CPE: variants seen among roughly 807,000 people sequenced by gnomAD.
CPE encodes carboxypeptidase E.
In CPE, 17 loss-of-function variants were observed where a neutral mutation model predicts 53.5. The observed-to-expected ratio is 0.32, with a 90% CI of 0.22 to 0.48. CPE has a LOEUF of 0.48. Ranked by LOEUF, CPE falls within the 20% of genes least tolerant of loss-of-function variation. The pLI, the probability that CPE is intolerant of heterozygous loss-of-function variation, is 0.99. For synonymous variants in CPE, 226 were observed against 228.8 expected (o/e 0.99, Z 0.11); for missense variants, 524 against 614.7 (o/e 0.85, Z 1.56).
intron 1 of CPE, among the ~76,000 whole-genome samples, chr4:165,431,648 G>A (rs7700089): frequency 1.3e-5 from 2 of 152,074 alleles, no homozygotes; most frequent in Admixed American, 1.3e-4. Flanking sequence ...ACAGATTCTG[G>A]TTTTTTCTGT....
At chr4:165,438,154 T>C (rs376727726) in intron 1 of CPE, among the ~76,000 whole-genome samples, 12 of 152,242 alleles carry the variant, frequency 7.9e-5, no homozygotes, top group Admixed American at 3.3e-4. Flanking sequence ...GGAGGCAAGA[T>C]CAGTTCTGGA....
At chr4:165,394,040 T>G (rs1247962451) in intron 1 of CPE, among the ~76,000 whole-genome samples, 1 of 152,008 alleles carries the variant, frequency 6.6e-6, no homozygotes, top group Non-Finnish European at 1.5e-5. Context: ...GGAGAGGGTA[T>G]GTAGAGAGTC....
At chr4:165,463,312 T>C (rs547948714) in intron 1 of CPE, among the ~76,000 whole-genome samples, 1 of 152,276 alleles carries the variant, frequency 6.6e-6, no homozygotes, top group East Asian at 1.9e-4. Flanking sequence ...GTAATAATAA[T>C]ATTAAAGAAA....
intron 1 of CPE, among the ~76,000 whole-genome samples, chr4:165,453,312 CTTCCTTCCTTCCTTCCTTCT>C (rs1259684396): frequency 1.2e-4 from 18 of 147,064 alleles, no homozygotes; most frequent in African/African-American, 2.5e-4. Context: ...TTTCTTTTTC[CTTCCTTCCTTCCTTCCTTCT>C]TTCCTTCCTT....
intron 1 of CPE, among the ~76,000 whole-genome samples, chr4:165,439,095 A>G (rs376753489): frequency 6.6e-6 from 1 of 152,206 alleles, no homozygotes; most frequent in African/African-American, 2.4e-5. Flanking sequence ...CTTAGAAAAA[A>G]GGGAATAATG....
intron 1 of CPE, among the ~76,000 whole-genome samples, chr4:165,450,063 TA>T (rs1204113979): frequency 1.3e-5 from 2 of 152,164 alleles, no homozygotes; most frequent in Non-Finnish European, 2.9e-5. Flanking sequence ...CACATGAAAT[TA>T]AAGGTGATTC....
chr4:165,491,137 T>C (rs1732596672), intron 6 of CPE, among the ~76,000 whole-genome samples: 3 of 152,238 alleles, frequency 2.0e-5, no homozygotes. Context: ...TTTGTTAAAC[T>C]GCATATTGCA....
intron 1 of CPE, among the ~76,000 whole-genome samples, chr4:165,396,514 T>TA (rs1325692829): frequency 6.6e-6 from 1 of 151,470 alleles, no homozygotes; most frequent in African/African-American, 2.4e-5. Flanking sequence ...TCTACTAAAA[T>TA]ACAAAAATTA....
At chr4:165,425,659 C>CAA (rs35754302) in intron 1 of CPE, among the ~76,000 whole-genome samples, 6 of 146,424 alleles carry the variant, frequency 4.1e-5, no homozygotes, top group South Asian at 2.2e-4. Flanking sequence ...AATATTTCCT[C>CAA]AAAAAAAAAA....
intron 1 of CPE, among the ~76,000 whole-genome samples, chr4:165,447,476 C>G (rs559590015): frequency 8.6e-5 from 13 of 151,856 alleles, no homozygotes; most frequent in African/African-American, 3.1e-4. Flanking sequence ...GAGGCTGAGG[C>G]AGGAGAATCA....
At position 165,497,668 on chromosome 4, in the gene CPE, G is replaced by C; in HGVS notation, c.*58G>C. ...TATATAATGTAGTATGATGTAATGT[G>C]GTCTTTTTTTTAGATTTTGTGCAGT... On this transcript the variant is annotated 3_prime_UTR_variant, in exon 9 of 9. Coordinates refer to ENST00000402744, the MANE Select transcript of CPE (RefSeq NM_001873.4). The C allele has an allele frequency of 2.1e-6, 2 of 944,620 alleles. No individual in the cohort carries two copies. The highest frequency in any genetic ancestry group is 6.5e-5 in the South Asian group (2 of 30,994). The allele number at this position is 944,620 out of a possible 1,614,324, so 58.5% of individuals were successfully genotyped here. A position where few individuals can be genotyped will look rare whatever the true frequency, so the allele number is the denominator to read the frequency against.
chr4:165,485,400 G>A (rs1732491491), intron 5 of CPE, among the ~76,000 whole-genome samples: 1 of 152,142 alleles, frequency 6.6e-6, no homozygotes, highest in African/African-American at 2.4e-5. Flanking sequence ...GTATTGGTAT[G>A]TTTAATATGC....
intron 1 of CPE, among the ~76,000 whole-genome samples, chr4:165,407,528 C>G (rs1246547094): frequency 1.3e-5 from 2 of 151,006 alleles, no homozygotes; most frequent in African/African-American, 4.9e-5. Context: ...GGATTACAAG[C>G]ATCATGCCGG....
chr4:165,465,111 T>G (rs1177913069), intron 2 of CPE, among the ~76,000 whole-genome samples: 4 of 152,226 alleles, frequency 2.6e-5, no homozygotes, highest in East Asian at 1.9e-4. Context: ...TAAAAATAAT[T>G]TAATATATCT....
chr4:165,415,651 C>A (rs1211217655), intron 1 of CPE, among the ~76,000 whole-genome samples: 1 of 151,850 alleles, frequency 6.6e-6, no homozygotes, highest in Non-Finnish European at 1.5e-5. Context: ...ATATAGAGAT[C>A]AAAATTAATA....
chr4:165,476,360 C>T (rs1468999775), intron 3 of CPE, among the ~76,000 whole-genome samples: 1 of 152,104 alleles, frequency 6.6e-6, no homozygotes, highest in African/African-American at 2.4e-5. Context: ...TGTGCAGTGG[C>T]CTGGCAACAC....
intron 1 of CPE, among the ~76,000 whole-genome samples, chr4:165,430,116 GA>G (rs201720949): frequency 6.6e-6 from 1 of 152,054 alleles, no homozygotes; most frequent in African/African-American, 2.4e-5. Flanking sequence ...TAGTCTTTTT[GA>G]AAATCAGTTT....
At chr4:165,455,209 CATAGTTGCTGCCACAA>C (rs1455662038) in intron 1 of CPE, among the ~76,000 whole-genome samples, 3 of 152,210 alleles carry the variant, frequency 2.0e-5, no homozygotes, top group Non-Finnish European at 4.4e-5. Flanking sequence ...TCACTCGAAT[CATAGTTGCTGCCACAA>C]GTCAGGTGCA....
chr4:165,498,544 T>C lies in CPE; in HGVS notation c.*934T>C, dbSNP rs1732747671. On this transcript the variant is annotated 3_prime_UTR_variant, in exon 9 of 9. Coordinates refer to ENST00000402744, the MANE Select transcript of CPE (RefSeq NM_001873.4). ...AACCTTTATATAAATAACACAAAAA[T>C]TAATGTTTGGACACAAACTCTAAAT... Among the ~76,000 whole-genome samples the C allele has an allele frequency of 6.6e-6, 1 of 152,166 alleles. No homozygotes were observed. Among genetic ancestry groups the C allele is most frequent in the Admixed American group, 6.5e-5 (1 of 15,284 alleles).
Sources: allele counts gnomAD v4.1 joint callset (sites outside exome capture counted in the v4.1 genomes callset), GRCh38; gene constraint gnomAD v4.1.1; transcripts MANE v1.5; gene names NCBI Gene and HGNC (gene_info 2026-07-23, HGNC 2026-07-21).